MGAT4C: variants seen among roughly 807,000 people sequenced by gnomAD.
MGAT4C encodes MGAT4 family member C, also known as alpha-1,3-mannosyl-glycoprotein 4-beta-N-acetylglucosaminyltransferase C.
Under a neutral mutation model 40.1 loss-of-function variants are expected in MGAT4C, and 19 were observed. The ratio of observed to expected loss-of-function variants is 0.47; its 90% CI spans 0.33 to 0.70. The LOEUF is 0.70. MGAT4C is among the 30% of genes least tolerant of loss of function. The pLI is 0.02. For missense variants in MGAT4C, 491 were observed against 563.2 expected (o/e 0.87, Z 1.30); for synonymous variants, 181 against 187.1 (o/e 0.97, Z 0.27).
intron 2 of MGAT4C, among the ~76,000 whole-genome samples, chr12:86,680,521 T>G (rs1949962188): frequency 6.6e-6 from 1 of 152,030 alleles, no homozygotes; most frequent in East Asian, 1.9e-4. Context: ...GTGCAGTTGT[T>G]TCGTTTAATG....
chr12:86,680,672 A>G (rs991375826), intron 2 of MGAT4C, among the ~76,000 whole-genome samples: 1 of 152,064 alleles, frequency 6.6e-6, no homozygotes, highest in Non-Finnish European at 1.5e-5. Flanking sequence ...ATAGCAATTA[A>G]CCTATCTAAT....
intron 3 of MGAT4C, 28 bp from the exon 4 acceptor site, chr12:85,983,698 A>G: frequency 6.7e-7 from 1 of 1,497,746 alleles, no homozygotes. Context: ...AGCAAGGAAA[A>G]TATATAAATA....
chr12:86,677,165 A>T (rs1320047102), intron 2 of MGAT4C, among the ~76,000 whole-genome samples: 1 of 152,148 alleles, frequency 6.6e-6, no homozygotes, highest in Non-Finnish European at 1.5e-5. Context: ...TACCTAATTT[A>T]TTATTTGAGA....
intron 2 of MGAT4C, among the ~76,000 whole-genome samples, chr12:86,517,640 GTTTGTTTGTTTGTTTA>G (rs1225038260): frequency 1.3e-5 from 2 of 151,810 alleles, no homozygotes; most frequent in African/African-American, 4.8e-5. Context: ...TTGTTTGTTT[GTTTGTTTGTTTGTTTA>G]TTTATTTAGA....
At chr12:86,443,976 T>TATTCATA (rs1260052968) in intron 2 of MGAT4C, among the ~76,000 whole-genome samples, 3 of 152,204 alleles carry the variant, frequency 2.0e-5, no homozygotes, top group Non-Finnish European at 4.4e-5. Flanking sequence ...TCCCTCTGCG[T>TATTCATA]TAATTCATCC....
chr12:86,150,461 C>A (rs76177788), intron 1 of MGAT4C, among the ~76,000 whole-genome samples: 1 of 152,164 alleles, frequency 6.6e-6, no homozygotes, highest in African/African-American at 2.4e-5. Context: ...TACTCTTATG[C>A]CCACCAAAAA....
At chr12:86,740,537 C>T (rs1217887226) in intron 1 of MGAT4C, among the ~76,000 whole-genome samples, 2 of 150,966 alleles carry the variant, frequency 1.3e-5, no homozygotes, top group African/African-American at 2.4e-5. Context: ...AATTTAATGC[C>T]ACTTCTGATT....
Position 85,969,873 on chromosome 12 carries a change from T to C in MGAT4C, c.*9416A>G, listed in dbSNP as rs1883536632. 1 of 151,460 alleles carries C rather than the reference T, an allele frequency of 6.6e-6. No homozygotes were observed. Among genetic ancestry groups the C allele is most frequent in the Admixed American group, 6.6e-5 (1 of 15,156 alleles). The allele number at this position is 151,460 out of a possible 1,614,324, so 9.4% of individuals were successfully genotyped here. ...CTTTTTTAATACCTCTTACCTTATA[T>C]GGTTGTTTAATCTATTAAATAGACA... On this transcript the variant is annotated 3_prime_UTR_variant, in exon 5 of 5. Transcript: ENST00000611864.
At position 86,049,667 on chromosome 12, in the gene MGAT4C, A is replaced by C; in HGVS notation, c.-7+7T>G. ...AGAATACTACCATGAATGACATAGA[A>C]TCTCACCTTAAGAAAGACGCTGTCA... On this transcript the variant is annotated splice_region_variant and intron_variant, in intron 2 of 4. Coordinates refer to ENST00000611864, the MANE Select transcript of MGAT4C (RefSeq NM_001351288.2). 1 of 981,192 alleles carries C rather than the reference A, an allele frequency of 1.0e-6. No homozygotes were observed. The highest frequency in any genetic ancestry group is 1.2e-6 in the Non-Finnish European group (1 of 825,800). The allele number at this position is 981,192 out of a possible 1,614,324, so 60.8% of individuals were successfully genotyped here.
intron 2 of MGAT4C, among the ~76,000 whole-genome samples, chr12:86,657,320 T>G (rs1487599096): frequency 1.3e-5 from 2 of 151,972 alleles, no homozygotes; most frequent in Non-Finnish European, 2.9e-5. Context: ...GCTGAAATCC[T>G]TCATTATAGA....
chr12:86,230,869 C>CT (rs11459552), intron 1 of MGAT4C, among the ~76,000 whole-genome samples: 104,875 of 144,942 alleles, frequency 0.72, 37,875 homozygotes, highest in East Asian at 0.94. Context: ...CAAACACTCC[C>CT]TTTTTTTTTT....
chr12:86,211,119 A>C (rs1950440965), intron 1 of MGAT4C, among the ~76,000 whole-genome samples: 1 of 151,404 alleles, frequency 6.6e-6, no homozygotes, highest in Admixed American at 6.6e-5. Context: ...AATAGCTTCA[A>C]ACTGCTTCTG....
At chr12:86,607,724 A>T (rs894766460) in intron 2 of MGAT4C, among the ~76,000 whole-genome samples, 8 of 152,178 alleles carry the variant, frequency 5.3e-5, no homozygotes, top group Non-Finnish European at 1.0e-4. Flanking sequence ...GTCCATTTTT[A>T]AAAAATAATT....
At chr12:86,181,913 T>A (rs1370105341) in intron 1 of MGAT4C, among the ~76,000 whole-genome samples, 1 of 152,116 alleles carries the variant, frequency 6.6e-6, no homozygotes, top group South Asian at 2.1e-4. Context: ...TATTATTTTA[T>A]ATCAGTTATA....
At chr12:86,382,030 T>C (rs1187698915) in intron 3 of MGAT4C, among the ~76,000 whole-genome samples, 1 of 152,136 alleles carries the variant, frequency 6.6e-6, no homozygotes, top group Non-Finnish European at 1.5e-5. Flanking sequence ...CTTGGGTATG[T>C]CTTTATCCCG....
intron 4 of MGAT4C, among the ~76,000 whole-genome samples, chr12:86,266,109 C>A (rs1008224072): frequency 4.6e-5 from 7 of 152,078 alleles, no homozygotes; most frequent in African/African-American, 1.7e-4. Flanking sequence ...TTGCTCTTTT[C>A]GAGTTTGTAT....
chr12:86,763,983 A>T (rs977766546), intron 1 of MGAT4C, among the ~76,000 whole-genome samples: 1 of 152,144 alleles, frequency 6.6e-6, no homozygotes, highest in Non-Finnish European at 1.5e-5. Flanking sequence ...TACCGGGTTC[A>T]TATCACTAGG....
chr12:86,120,441 C>T (rs1371840636), intron 1 of MGAT4C, among the ~76,000 whole-genome samples: 1 of 152,138 alleles, frequency 6.6e-6, no homozygotes, highest in Non-Finnish European at 1.5e-5. Context: ...AGACTGCCTC[C>T]TCAAGTGGGT....
At chr12:86,072,949 G>A (rs1227847606) in intron 1 of MGAT4C, among the ~76,000 whole-genome samples, 1 of 152,072 alleles carries the variant, frequency 6.6e-6, no homozygotes. Context: ...CACACGAGAG[G>A]ACTAGGAGTT....
Sources: gnomAD v4.1 joint callset for allele counts (sites outside exome capture counted in the v4.1 genomes callset) on GRCh38, gnomAD v4.1.1 for gene constraint, MANE v1.5 for transcripts, NCBI Gene and HGNC (gene_info 2026-07-23, HGNC 2026-07-21) for gene names.